Variants in PFKFB4 observed in about 807,000 individuals in gnomAD.
The protein encoded by PFKFB4 is 6-phosphofructo-2-kinase/fructose-2,6-biphosphatase 4, also known as 6-phosphofructo-2-kinase/fructose-2,6-bisphosphatase 4.
PFKFB4 carries 42 observed loss-of-function variants against 62.8 expected under a neutral mutation model. The ratio of observed to expected loss-of-function variants is 0.67; its 90% CI spans 0.52 to 0.86. The LOEUF is 0.86. PFKFB4 is among the 40% of genes least tolerant of loss of function. The probability of loss-of-function intolerance (pLI) is 0.00; values close to 1 mark genes in which losing one functional copy is unlikely to be tolerated. For missense variants in PFKFB4, 475 were observed against 627.2 expected (o/e 0.76, Z 2.59); for synonymous variants, 204 against 240.7 (o/e 0.85, Z 1.41).
At chr3:48,538,656 G>A in intron 6 of PFKFB4, 37 bp from the exon 7 acceptor site, 1 of 1,613,432 alleles carries the variant, frequency 6.2e-7, no homozygotes, top group South Asian at 1.1e-5. Flanking sequence ...ACATATCAGG[G>A]TCAGGAGCCA....
intron 4 of PFKFB4, 146 bp downstream of exon 4, chr3:48,543,434 T>G (rs779850909): frequency 8.3e-6 from 6 of 719,278 alleles, no homozygotes; most frequent in Non-Finnish European, 1.5e-5. Flanking sequence ...GCATAGCTGT[T>G]GCAGACTTCC....
chr3:48,543,231 C>T (rs528285809), intron 4 of PFKFB4, among the ~76,000 whole-genome samples: 1 of 152,290 alleles, frequency 6.6e-6, no homozygotes, highest in African/African-American at 2.4e-5. Context: ...CTACAACAAC[C>T]AGTAATGCTG....
At chr3:48,553,418 G>A (rs539047453) in intron 1 of PFKFB4, among the ~76,000 whole-genome samples, 1 of 152,130 alleles carries the variant, frequency 6.6e-6, no homozygotes, top group Admixed American at 6.5e-5. Context: ...AGGTTGCAGT[G>A]AGCCAAGATT....
In PFKFB4 at chr3:48,556,059, C is replaced by T. The variant is rs1475371355; in HGVS notation, c.97+622G>A. ...TGTTTCACTCTCCAGTTTTACTGTA[C>T]ACCCATGACCCCAGGTGGATACTTA... On this transcript the variant is annotated intron_variant, in intron 1 of 13. Coordinates refer to ENST00000232375, the MANE Select transcript of PFKFB4 (RefSeq NM_004567.4). This position sits in a 1 kb window ranked among gnomAD's most constrained non-coding sequence, Gnocchi z 5.7. The T allele has an allele frequency of 1.1e-5, 5 of 456,106 alleles. No individual in the cohort carries two copies. The highest frequency in any genetic ancestry group is 4.7e-5 in the Admixed American group (2 of 42,538). The allele number at this position is 456,106 out of a possible 1,614,324, so 28.3% of individuals were successfully genotyped here.
chr3:48,559,634 G>A (rs2043402171), upstream of PFKFB4: 1 of 456,598 alleles, frequency 2.2e-6, no homozygotes, highest in African/African-American at 2.0e-5. Context: ...ATATCCGAAA[G>A]TGAGCCAGCT....
chr3:48,549,703 C>T (rs2043072007), intron 3 of PFKFB4, among the ~76,000 whole-genome samples, 161 bp downstream of exon 3: 1 of 152,082 alleles, frequency 6.6e-6, no homozygotes, highest in East Asian at 1.9e-4. Flanking sequence ...CCCTGTCACA[C>T]AGCCATCAGG....
Position 48,537,821 on chromosome 3 carries a change from G to A in PFKFB4, c.632+677C>T, listed in dbSNP as rs114084965. Among the ~76,000 whole-genome samples, 512 of 152,106 alleles carry A rather than the reference G, an allele frequency of 3.4e-3. 2 individuals are homozygous for A. Among genetic ancestry groups the A allele is most frequent in the African/African-American group, 0.012 (487 of 41,494 alleles). On this transcript the variant is annotated intron_variant, in intron 7 of 13. Transcript: ENST00000232375. ...ATTACAGGCATAAGCCACTCTGCCC[G>A]GCCCGTATTACACAATCTTATAGAA... is the stretch of plus-strand genomic sequence containing the variant.
chr3:48,526,265 G>GAAAAAAA (rs1316240934), intron 9 of PFKFB4, among the ~76,000 whole-genome samples: 1 of 140,402 alleles, frequency 7.1e-6, no homozygotes, highest in East Asian at 2.1e-4. Context: ...CAAAAGAAAA[G>GAAAAAAA]AAAAAAAAAG....
intron 13 of PFKFB4, among the ~76,000 whole-genome samples, chr3:48,520,455 T>C (rs2042062679): frequency 6.6e-6 from 1 of 152,166 alleles, no homozygotes; most frequent in African/African-American, 2.4e-5. Flanking sequence ...CAGAGCCTGG[T>C]GGCCCCTCCT....
intron 3 of PFKFB4, among the ~76,000 whole-genome samples, chr3:48,543,849 C>G (rs1461668221): frequency 1.3e-5 from 2 of 152,184 alleles, no homozygotes; most frequent in East Asian, 3.8e-4. Context: ...GAAGGCTATA[C>G]ACTCTTGGCT....
intron 3 of PFKFB4, among the ~76,000 whole-genome samples, chr3:48,548,980 T>C (rs1033471744): frequency 6.6e-6 from 1 of 152,182 alleles, no homozygotes; most frequent in Non-Finnish European, 1.5e-5. Flanking sequence ...TGGTAGCCAC[T>C]GGGCTTGATT....
chr3:48,555,219 G>A (rs1331268769), intron 1 of PFKFB4, among the ~76,000 whole-genome samples: 2 of 152,142 alleles, frequency 1.3e-5, no homozygotes. Flanking sequence ...TCAGGACTGA[G>A]TGTGCATTAT....
chr3:48,561,447 C>G (rs1169196473), upstream of PFKFB4: 2 of 158,572 alleles, frequency 1.3e-5, no homozygotes, highest in Admixed American at 6.5e-5. The surrounding 1 kb of genome is among the most constrained non-coding windows in gnomAD (Gnocchi z 5.2). Flanking sequence ...TCCACACTGC[C>G]TGGAAAGTCA....
chr3:48,548,864 C>G (rs2043042448), intron 3 of PFKFB4, among the ~76,000 whole-genome samples: 2 of 152,332 alleles, frequency 1.3e-5, no homozygotes, highest in African/African-American at 4.8e-5. Flanking sequence ...GATGCAAGAA[C>G]AAAGGCAGTC....
chr3:48,533,845 C>T (rs2042508259), intron 9 of PFKFB4, among the ~76,000 whole-genome samples: 1 of 152,074 alleles, frequency 6.6e-6, no homozygotes, highest in African/African-American at 2.4e-5. Flanking sequence ...CAGGAGCAAA[C>T]CTCCGTCTCA....
intron 1 of PFKFB4, among the ~76,000 whole-genome samples, chr3:48,555,401 G>A (rs1353018975): frequency 6.6e-6 from 1 of 152,174 alleles, no homozygotes; most frequent in East Asian, 1.9e-4. Context: ...CCAGGCTGCT[G>A]CAGCAGGATG....
chr3:48,556,879 C>A, upstream of PFKFB4: 35 of 1,462,318 alleles, frequency 2.4e-5, no homozygotes, highest in Non-Finnish European at 3.2e-5. The surrounding 1 kb of genome is among the most constrained non-coding windows in gnomAD (Gnocchi z 5.7). Context: ...CCTCCTCAAG[C>A]CGCGACAGCC....
chr3:48,541,196 T>G (rs1575384218), intron 4 of PFKFB4, among the ~76,000 whole-genome samples: 1 of 151,720 alleles, frequency 6.6e-6, no homozygotes, highest in Admixed American at 6.6e-5. Context: ...GCCATTCTCC[T>G]GCCTCAGTCT....
At chr3:48,543,507 T>C in intron 4 of PFKFB4, 73 bp downstream of exon 4, 1 of 1,397,512 alleles carries the variant, frequency 7.2e-7, no homozygotes, top group Non-Finnish European at 1.0e-6. Flanking sequence ...TCCAGATGCC[T>C]GACGAGCAAA....
Sources: gnomAD v4.1 joint callset for allele counts (sites outside exome capture counted in the v4.1 genomes callset) on GRCh38, gnomAD v4.1.1 for gene constraint, Gnocchi (gnomAD v3.1) non-coding constraint, MANE v1.5 for transcripts, NCBI Gene and HGNC (gene_info 2026-07-23, HGNC 2026-07-21) for gene names.